The following PCCA variants were observed in gnomAD, a reference collection of about 807,000 sequenced individuals.
PCCA encodes propionyl-CoA carboxylase subunit alpha, also known as propionyl-CoA carboxylase alpha chain, mitochondrial.
Under a neutral mutation model 101.3 loss-of-function variants are expected in PCCA, and 74 were observed. The ratio of observed to expected loss-of-function variants is 0.73; its 90% CI spans 0.61 to 0.89. The LOEUF is 0.89. Ranked by LOEUF, PCCA falls within the 40% of genes least tolerant of loss-of-function variation. PCCA has a pLI of 0.00. For missense variants in PCCA, 891 were observed against 907.0 expected, an observed-to-expected ratio of 0.98 and a Z score of 0.23; for synonymous variants, 294 against 313.6, an observed-to-expected ratio of 0.94 and a Z score of 0.66.
chr13:100,333,034 G>T (rs549795058), intron 17 of PCCA, among the ~76,000 whole-genome samples: 1 of 152,254 alleles, frequency 6.6e-6, no homozygotes, highest in Middle Eastern at 3.4e-3. Flanking sequence ...TTCAATCAGG[G>T]TATGCTACAT....
chr13:100,325,541 G>GA (rs893304917), intron 16 of PCCA, among the ~76,000 whole-genome samples: 4 of 151,690 alleles, frequency 2.6e-5, no homozygotes, highest in Admixed American at 1.3e-4. Context: ...TTCTGAGGGG[G>GA]AAAAAAAAGC....
chr13:100,310,598 A>T (rs2066829223), intron 16 of PCCA, among the ~76,000 whole-genome samples: 1 of 152,146 alleles, frequency 6.6e-6, no homozygotes, highest in African/African-American at 2.4e-5. Flanking sequence ...ACTAGAAGTT[A>T]TTTATCTACT....
At chr13:100,142,752 G>A (rs1276914323) in intron 4 of PCCA, among the ~76,000 whole-genome samples, 1 of 152,182 alleles carries the variant, frequency 6.6e-6, no homozygotes, top group Non-Finnish European at 1.5e-5. Flanking sequence ...GGGATTACAG[G>A]CATGAGCCAC....
intron 19 of PCCA, among the ~76,000 whole-genome samples, chr13:100,407,582 A>G (rs73560951): frequency 0.013 from 2,033 of 152,288 alleles, 40 homozygotes; most frequent in African/African-American, 0.045. Flanking sequence ...CAGAAAAACC[A>G]TATTATACCT....
chr13:100,257,134 G>A (rs903097028), intron 8 of PCCA, among the ~76,000 whole-genome samples: 2 of 152,144 alleles, frequency 1.3e-5, no homozygotes, highest in African/African-American at 4.8e-5. Flanking sequence ...AAAAGCTGTA[G>A]GGGTTGTCTG....
At chr13:100,091,126 GGAGTCA>G (rs1174130753) in intron 1 of PCCA, among the ~76,000 whole-genome samples, 1 of 121,178 alleles carries the variant, frequency 8.3e-6, no homozygotes, top group East Asian at 3.6e-4. Context: ...GAAGCTGGCA[GGAGTCA>G]GACCATCTGG....
chr13:100,286,075 T>A (rs2064611389), intron 12 of PCCA, among the ~76,000 whole-genome samples: 1 of 152,080 alleles, frequency 6.6e-6, no homozygotes, highest in Admixed American at 6.5e-5. Flanking sequence ...CATACCCCTC[T>A]GCATGTGTGT....
intron 8 of PCCA, among the ~76,000 whole-genome samples, chr13:100,248,816 G>T (rs899138065): frequency 6.6e-6 from 1 of 151,956 alleles, no homozygotes; most frequent in African/African-American, 2.4e-5. Flanking sequence ...GCGCGAGCTT[G>T]GCTCACTGCA....
At chr13:100,239,124 C>T (rs982393931) in intron 8 of PCCA, among the ~76,000 whole-genome samples, 1 of 152,130 alleles carries the variant, frequency 6.6e-6, no homozygotes, top group African/African-American at 2.4e-5. Flanking sequence ...ATGGTAACTC[C>T]AGTTTATGGA....
At chr13:100,298,199 T>C (rs2065707045) in intron 12 of PCCA, among the ~76,000 whole-genome samples, 1 of 152,110 alleles carries the variant, frequency 6.6e-6, no homozygotes, top group Non-Finnish European at 1.5e-5. Flanking sequence ...GGAATTCCAT[T>C]TTGTATTTTG....
intron 1 of PCCA, among the ~76,000 whole-genome samples, chr13:100,099,315 CTTTT>C (rs940373587): frequency 1.6e-5 from 2 of 124,502 alleles, no homozygotes; most frequent in Non-Finnish European, 1.7e-5. Flanking sequence ...GCTATCTAAT[CTTTT>C]TTTTTTTTTT....
chr13:100,182,550 A>G (rs955984476), intron 6 of PCCA, among the ~76,000 whole-genome samples: 3 of 152,178 alleles, frequency 2.0e-5, no homozygotes, highest in South Asian at 4.1e-4. Flanking sequence ...GAGGAATCCA[A>G]CAATGAGAAG....
chr13:100,529,735 CAG>C (rs1326693313), intron 23 of PCCA, among the ~76,000 whole-genome samples: 1 of 152,184 alleles, frequency 6.6e-6, no homozygotes, highest in Non-Finnish European at 1.5e-5. Flanking sequence ...CTCAAAACCA[CAG>C]AGAGGGAGGC....
At chr13:100,319,701 G>A (rs2067792145) in intron 16 of PCCA, among the ~76,000 whole-genome samples, 2 of 152,202 alleles carry the variant, frequency 1.3e-5, no homozygotes, top group South Asian at 4.1e-4. Context: ...CCATATGTCT[G>A]TTTTGGTACC....
chr13:100,281,274 TG>T (rs1324293584), intron 12 of PCCA, among the ~76,000 whole-genome samples: 1 of 152,208 alleles, frequency 6.6e-6, no homozygotes, highest in Non-Finnish European at 1.5e-5. Context: ...CTTCCGTCGG[TG>T]GCATTGTGAA....
At position 100,516,940 on chromosome 13, in the gene PCCA, G is replaced by T. The variant is rs9557447; in HGVS notation, c.2040+1373G>T. On this transcript the variant is annotated intron_variant, in intron 22 of 23. Transcript: ENST00000376285. ...GTAAACAATATAAGGGTTTTGTTTT[G>T]TTTTTTTCATTTTTCTTAAGTTTTT... Among the ~76,000 whole-genome samples, 425 of 151,378 alleles carry T rather than the reference G, an allele frequency of 2.8e-3. 16 individuals carry two copies. The East Asian group carries it at 0.055, about 20-fold the overall frequency.
Position 100,202,289 on chromosome 13 carries a change from G to A in PCCA, c.469-7043G>A, listed in dbSNP as rs942793893. Reference sequence around the variant, plus strand: ...TTTGAGGCTGCAGTGAACTATAATGGCACCCCTGCACTCCAGGCTGGGTAA... The same window carrying A: ...TTTGAGGCTGCAGTGAACTATAATGACACCCCTGCACTCCAGGCTGGGTAA... On this transcript the variant is annotated intron_variant, in intron 6 of 23. Transcript: ENST00000376285. Among the ~76,000 whole-genome samples, 8 of 151,972 alleles carry A rather than the reference G, an allele frequency of 5.3e-5. No individual in the cohort carries two copies. The South Asian group carries it at 1.0e-3, about 20-fold the overall frequency.
At chr13:100,209,280 A>C in intron 6 of PCCA, 52 bp from the exon 7 acceptor site, 1 of 1,552,540 alleles carries the variant, frequency 6.4e-7, no homozygotes, top group Non-Finnish European at 8.9e-7. Flanking sequence ...GTGACTCCAC[A>C]TCATGCTCCG....
intron 12 of PCCA, among the ~76,000 whole-genome samples, chr13:100,291,422 CAG>C (rs578050406): frequency 1.6e-3 from 249 of 152,338 alleles, no homozygotes; most frequent in Non-Finnish European, 2.9e-3. Context: ...AAGGAGGACT[CAG>C]GGGATGTGTG....
Sources: gnomAD v4.1 joint callset for allele counts (sites outside exome capture counted in the v4.1 genomes callset) on GRCh38, gnomAD v4.1.1 for gene constraint, MANE v1.5 for transcripts, NCBI Gene and HGNC (gene_info 2026-07-23, HGNC 2026-07-21) for gene names.